SMOC2: variants seen among roughly 807,000 people sequenced by gnomAD.
SMOC2 encodes the protein SPARC related modular calcium binding 2.
A neutral mutation model predicts 61.4 loss-of-function variants in SMOC2; 39 were observed. The observed-to-expected ratio is 0.64, with a 90% CI of 0.49 to 0.83. The LOEUF (loss-of-function observed/expected upper bound fraction) is 0.83. SMOC2 is among the 40% of genes least tolerant of loss of function. The pLI, the probability that SMOC2 is intolerant of heterozygous loss-of-function variation, is 0.00. For missense variants in SMOC2, 556 were observed against 592.9 expected (o/e 0.94, Z 0.65); for synonymous variants, 247 against 239.9 (o/e 1.03, Z -0.27).
At chr6:168,631,049 G>C (rs1162404274) in intron 9 of SMOC2, among the ~76,000 whole-genome samples, 1 of 152,144 alleles carries the variant, frequency 6.6e-6, no homozygotes, top group Non-Finnish European at 1.5e-5. Flanking sequence ...CTATTACCCT[G>C]TTAAGTACTT....
intron 7 of SMOC2, among the ~76,000 whole-genome samples, chr6:168,551,976 T>G (rs1443351432): frequency 1.3e-5 from 2 of 152,162 alleles, no homozygotes; most frequent in Non-Finnish European, 2.9e-5. Context: ...TTTAGGAAAT[T>G]CCAGTTTACA....
chr6:168,457,121 G>A (rs1425864903), intron 1 of SMOC2, among the ~76,000 whole-genome samples: 1 of 152,208 alleles, frequency 6.6e-6, no homozygotes, highest in Admixed American at 6.5e-5. Context: ...GCACAGCGCG[G>A]CCGCCACGCC....
At chr6:168,562,839 C>G (rs1203660184) in intron 7 of SMOC2, among the ~76,000 whole-genome samples, 1 of 152,166 alleles carries the variant, frequency 6.6e-6, no homozygotes, top group African/African-American at 2.4e-5. Flanking sequence ...GGATCTGGAT[C>G]CCTCCAGGCC....
chr6:168,538,112 T>TA (rs1783776777), intron 4 of SMOC2, among the ~76,000 whole-genome samples: 1 of 121,998 alleles, frequency 8.2e-6, no homozygotes, highest in African/African-American at 3.3e-5. Context: ...TGCTGTAATC[T>TA]GGGGAGTAGG....
At chr6:168,540,380 G>A (rs1266605543) in intron 4 of SMOC2, among the ~76,000 whole-genome samples, 1 of 152,232 alleles carries the variant, frequency 6.6e-6, no homozygotes, top group African/African-American at 2.4e-5. Flanking sequence ...AGCACGTGGA[G>A]AGGCAGCTTC....
At chr6:168,454,990 G>T (rs1035929648) in intron 1 of SMOC2, among the ~76,000 whole-genome samples, 1 of 152,164 alleles carries the variant, frequency 6.6e-6, no homozygotes, top group African/African-American at 2.4e-5. Flanking sequence ...ACTCCAGAGG[G>T]TCTTGGTGGC....
chr6:168,559,324 G>A (rs1054825518), intron 7 of SMOC2, among the ~76,000 whole-genome samples: 3 of 151,876 alleles, frequency 2.0e-5, no homozygotes, highest in African/African-American at 4.8e-5. Context: ...GCATGGTGGC[G>A]GGTGCCTATA....
chr6:168,448,606 G>A (rs1358116711), intron 1 of SMOC2, among the ~76,000 whole-genome samples: 1 of 151,520 alleles, frequency 6.6e-6, no homozygotes, highest in African/African-American at 2.4e-5. Flanking sequence ...GGACGATGAT[G>A]GGGAGGAGGA....
rs144106598 is a variant in SMOC2 at position 168,557,823 on chromosome 6, T to C, written c.637+8620T>C. Among the ~76,000 whole-genome samples, 561 of 152,342 alleles carry C rather than the reference T, an allele frequency of 3.7e-3. 3 individuals are homozygous for C. Among genetic ancestry groups the C allele is most frequent in the African/African-American group, 0.012 (508 of 41,580 alleles). On this transcript the variant is annotated intron_variant, in intron 7 of 12. Coordinates refer to ENST00000356284, the MANE Select transcript of SMOC2 (RefSeq NM_001166412.2). The stretch of plus-strand genomic sequence containing the variant: ...AGGCACCGTGTGTTCTAATGCATCA[T>C]AGAAGCTGATTCTTAGAATAGCCAT...
intron 2 of SMOC2, among the ~76,000 whole-genome samples, chr6:168,517,409 C>T (rs919757360): frequency 2.0e-5 from 3 of 152,234 alleles, no homozygotes; most frequent in African/African-American, 7.2e-5. Flanking sequence ...GCAGCAGTGT[C>T]TCCGGGAGGA....
intron 4 of SMOC2, among the ~76,000 whole-genome samples, chr6:168,541,731 G>A (rs944216084): frequency 3.9e-5 from 6 of 152,156 alleles, no homozygotes; most frequent in Non-Finnish European, 8.8e-5. Flanking sequence ...ATCAAGGGAC[G>A]CTGGGTTCTG....
At chr6:168,607,972 G>A (rs1483489035) in intron 8 of SMOC2, among the ~76,000 whole-genome samples, 185 bp from the exon 9 acceptor site, 4 of 152,216 alleles carry the variant, frequency 2.6e-5, no homozygotes, top group Non-Finnish European at 5.9e-5. Flanking sequence ...GCAAGCAATA[G>A]CTTTCTATGC....
intron 1 of SMOC2, among the ~76,000 whole-genome samples, chr6:168,495,163 T>C (rs1005264292): frequency 6.6e-6 from 1 of 152,242 alleles, no homozygotes; most frequent in Admixed American, 6.5e-5. Flanking sequence ...CTGCGCCCTA[T>C]GTGGGCTCCT....
chr6:168,457,946 CAG>C (rs910112228), intron 1 of SMOC2, among the ~76,000 whole-genome samples: 4 of 152,104 alleles, frequency 2.6e-5, no homozygotes, highest in African/African-American at 9.7e-5. Context: ...GGGGGCAGCA[CAG>C]GGGGTGGCCG....
chr6:168,634,024 A>G (rs1583175463), intron 9 of SMOC2, among the ~76,000 whole-genome samples: 1 of 152,188 alleles, frequency 6.6e-6, no homozygotes, highest in Admixed American at 6.5e-5. Context: ...GAAGAAGGAC[A>G]TGTTTGCTTC....
intron 1 of SMOC2, among the ~76,000 whole-genome samples, chr6:168,491,965 CTTTT>C (rs1782479438): frequency 6.6e-6 from 1 of 152,180 alleles, no homozygotes; most frequent in Non-Finnish European, 1.5e-5. Context: ...CCGCATTCTT[CTTTT>C]TGATACATTT....
intron 1 of SMOC2, among the ~76,000 whole-genome samples, chr6:168,500,873 C>G (rs893111602): frequency 6.6e-6 from 1 of 152,156 alleles, no homozygotes; most frequent in Non-Finnish European, 1.5e-5. Flanking sequence ...GGATAAGAAG[C>G]ACTTTTGTAG....
At chr6:168,456,958 G>A (rs547508803) in intron 1 of SMOC2, among the ~76,000 whole-genome samples, 1 of 152,246 alleles carries the variant, frequency 6.6e-6, no homozygotes, top group South Asian at 2.1e-4. Context: ...ACAAGACTAG[G>A]GCTGCAGGGT....
At chr6:168,644,680 C>T (rs1038108522) in intron 9 of SMOC2, among the ~76,000 whole-genome samples, 5 of 136,194 alleles carry the variant, frequency 3.7e-5, no homozygotes, top group Non-Finnish European at 6.0e-5. Context: ...GACAGAGTCT[C>T]GCTCTGTCTC....
Sources: gnomAD v4.1 joint callset for allele counts (sites outside exome capture counted in the v4.1 genomes callset) on GRCh38, gnomAD v4.1.1 for gene constraint, MANE v1.5 for transcripts, NCBI Gene and HGNC (gene_info 2026-07-23, HGNC 2026-07-21) for gene names.